PDE1A: variants seen among roughly 807,000 people sequenced by gnomAD.
The protein encoded by PDE1A is dual specificity calcium/calmodulin-dependent 3',5'-cyclic nucleotide phosphodiesterase 1A.
PDE1A carries 35 observed loss-of-function variants against 61.7 expected under a neutral mutation model. The observed-to-expected ratio is 0.57, with a 90% CI of 0.43 to 0.75. The LOEUF (loss-of-function observed/expected upper bound fraction) is 0.75. PDE1A is among the 30% of genes least tolerant of loss of function. The pLI, the probability that PDE1A is intolerant of heterozygous loss-of-function variation, is 0.00. For missense variants in PDE1A, 597 were observed against 630.6 expected, an observed-to-expected ratio of 0.95 and a Z score of 0.57; for synonymous variants, 232 against 213.2, an observed-to-expected ratio of 1.09 and a Z score of -0.77.
At chr2:182,694,828 G>GC in the PDE1A span, among the ~76,000 whole-genome samples, 4 of 100,374 alleles carry the variant, frequency 4.0e-5, 1 homozygote, top group Admixed American at 3.3e-4. Context: ...AAAAAGGTGG[G>GC]GGGGGGGCAA....
intron 10 of PDE1A, among the ~76,000 whole-genome samples, chr2:182,194,312 C>A (rs958860605): frequency 6.6e-6 from 1 of 152,128 alleles, no homozygotes; most frequent in Non-Finnish European, 1.5e-5. Context: ...GCCAACCTGA[C>A]ATGTGTGTTC....
At chr2:182,320,069 G>A (rs1202454895) in intron 1 of PDE1A, among the ~76,000 whole-genome samples, 2 of 152,120 alleles carry the variant, frequency 1.3e-5, no homozygotes, top group Non-Finnish European at 2.9e-5. Context: ...GGGCCAACTG[G>A]AAGCTATACA....
the PDE1A span, among the ~76,000 whole-genome samples, chr2:182,555,499 G>C: frequency 1.3e-5 from 2 of 152,102 alleles, no homozygotes; most frequent in Non-Finnish European, 2.9e-5. Flanking sequence ...TTATAGTGCA[G>C]TGAAAAACGT....
intron 2 of PDE1A, among the ~76,000 whole-genome samples, chr2:182,434,455 G>A (rs939111797): frequency 6.6e-6 from 1 of 152,088 alleles, no homozygotes; most frequent in African/African-American, 2.4e-5. Context: ...CAATATCAAG[G>A]TGTCAGCCTC....
At chr2:182,476,497 A>T (rs988633032) in intron 2 of PDE1A, among the ~76,000 whole-genome samples, 2 of 151,908 alleles carry the variant, frequency 1.3e-5, no homozygotes, top group Admixed American at 6.6e-5. Context: ...TCAAATAAAT[A>T]AATTAATTAA....
At chr2:182,252,081 G>A (rs923954898) in intron 2 of PDE1A, among the ~76,000 whole-genome samples, 2 of 152,128 alleles carry the variant, frequency 1.3e-5, no homozygotes, top group African/African-American at 4.8e-5. Context: ...TGTATATAGT[G>A]TGTCCTTCAC....
the PDE1A span, among the ~76,000 whole-genome samples, chr2:182,668,869 G>C: frequency 1.1e-3 from 173 of 152,220 alleles, 1 homozygote; most frequent in South Asian, 5.6e-3. Context: ...TGCCTCGTGC[G>C]AGCCGGTGGC....
At chr2:182,619,876 C>G in the PDE1A span, among the ~76,000 whole-genome samples, 1 of 152,158 alleles carries the variant, frequency 6.6e-6, no homozygotes, top group African/African-American at 2.4e-5. Context: ...CCTTGTGCTG[C>G]ATCATCACAT....
intron 1 of PDE1A, among the ~76,000 whole-genome samples, chr2:182,388,801 AGATCAG>A (rs1201411717): frequency 6.6e-6 from 1 of 152,058 alleles, no homozygotes; most frequent in East Asian, 1.9e-4. Flanking sequence ...GAAGTAATAT[AGATCAG>A]AACAAAAATG....
chr2:182,699,652 A>G, the PDE1A span, among the ~76,000 whole-genome samples: 1 of 152,210 alleles, frequency 6.6e-6, no homozygotes, highest in East Asian at 1.9e-4. Flanking sequence ...TATTTCCACC[A>G]TGCTAAAATA....
chr2:182,687,242 G>A, the PDE1A span, among the ~76,000 whole-genome samples: 1 of 152,198 alleles, frequency 6.6e-6, no homozygotes, highest in African/African-American at 2.4e-5. Flanking sequence ...CTCCTCAAGT[G>A]GGTCCCTGAC....
intron 2 of PDE1A, among the ~76,000 whole-genome samples, chr2:182,482,395 T>C (rs1687757583): frequency 1.3e-5 from 2 of 151,918 alleles, no homozygotes; most frequent in Non-Finnish European, 2.9e-5. Flanking sequence ...TTTTCAGTTA[T>C]CATTTTTCAT....
chr2:182,268,582 G>T (rs558583995), intron 1 of PDE1A, among the ~76,000 whole-genome samples: 1 of 152,100 alleles, frequency 6.6e-6, no homozygotes, highest in South Asian at 2.1e-4. Context: ...CAAACTGCAG[G>T]TATTTCCCGT....
chr2:182,671,175 CT>C, the PDE1A span, among the ~76,000 whole-genome samples: 5 of 149,868 alleles, frequency 3.3e-5, no homozygotes, highest in Admixed American at 2.0e-4. Context: ...ATGGATCACA[CT>C]TTTTTTTCTT....
At chr2:182,245,851 C>A (rs566194908) in intron 2 of PDE1A, among the ~76,000 whole-genome samples, 1 of 151,362 alleles carries the variant, frequency 6.6e-6, no homozygotes, top group South Asian at 2.1e-4. Context: ...TGCCAAGGAA[C>A]ACAATGGCTG....
At chr2:182,275,065 G>A (rs1180395782) in intron 1 of PDE1A, among the ~76,000 whole-genome samples, 1 of 152,110 alleles carries the variant, frequency 6.6e-6, no homozygotes. Flanking sequence ...TTGATTACTT[G>A]GATGATGGGA....
At chr2:182,521,604 G>T (rs551922658) in intron 2 of PDE1A, among the ~76,000 whole-genome samples, 1 of 152,066 alleles carries the variant, frequency 6.6e-6, no homozygotes, top group East Asian at 1.9e-4. Context: ...TGCAATTAAC[G>T]TCTGACTTAG....
At chr2:182,546,120 A>G in the PDE1A span, among the ~76,000 whole-genome samples, 9 of 152,176 alleles carry the variant, frequency 5.9e-5, no homozygotes, top group African/African-American at 1.9e-4. Context: ...TTGTTACTGA[A>G]GCAAGTGTTG....
chr2:182,441,964 A>G (rs1684826351), intron 2 of PDE1A, among the ~76,000 whole-genome samples: 1 of 152,152 alleles, frequency 6.6e-6, no homozygotes, highest in Admixed American at 6.6e-5. Flanking sequence ...GAAAACATCA[A>G]CTGATAAATA....
Sources: gnomAD v4.1 joint callset for allele counts (sites outside exome capture counted in the v4.1 genomes callset) on GRCh38, gnomAD v4.1.1 for gene constraint, MANE v1.5 for transcripts, NCBI Gene and HGNC (gene_info 2026-07-23, HGNC 2026-07-21) for gene names.